Variants in CNGB3 observed in about 807,000 individuals in gnomAD.
CNGB3 encodes cyclic nucleotide gated channel subunit beta 3.
In CNGB3, 86 loss-of-function variants were observed where a neutral mutation model predicts 92.8. The ratio of observed to expected loss-of-function variants is 0.93; its 90% CI spans 0.78 to 1.11. The LOEUF is 1.11. Ranked by LOEUF, CNGB3 falls within the 50% of genes least tolerant of loss-of-function variation. The pLI is 0.00. For synonymous variants in CNGB3, 333 were observed against 332.7 expected, an observed-to-expected ratio of 1.00 and a Z score of -0.01; for missense variants, 1,026 against 956.8, an observed-to-expected ratio of 1.07 and a Z score of -0.95.
chr8:86,735,046 T>G lies in CNGB3; in HGVS notation c.211+4609A>C, dbSNP rs933058189. ...TCAAATTCTCAAATGCCGGTGGTTT[T>G]TTTTTTTTTTTTTTTTTTTTTTTTG... On this transcript the variant is annotated intron_variant, in intron 2 of 17. Coordinates refer to ENST00000320005, the MANE Select transcript of CNGB3 (RefSeq NM_019098.5). Among the ~76,000 whole-genome samples the G allele has an allele frequency of 7.0e-3, 547 of 77,670 alleles. 11 individuals are homozygous for G. The highest frequency in any genetic ancestry group is 0.023 in the African/African-American group (502 of 22,118). The allele number at this position is 77,670 out of a possible 152,430, so 51.0% of individuals were successfully genotyped here. A position where few individuals can be genotyped will look rare whatever the true frequency, so the allele number is the denominator to read the frequency against.
chr8:86,611,461 A>T (rs1822518363), intron 14 of CNGB3, 127 bp downstream of exon 14: 2 of 734,996 alleles, frequency 2.7e-6, no homozygotes, highest in Non-Finnish European at 2.5e-6. Flanking sequence ...AGAGCTATAT[A>T]TCATAATTAT....
intron 3 of CNGB3, among the ~76,000 whole-genome samples, chr8:86,702,823 ATATT>A (rs781340312): frequency 6.6e-6 from 1 of 151,854 alleles, no homozygotes; most frequent in African/African-American, 2.4e-5. Context: ...TTTAATATAT[ATATT>A]AAGTATTTTC....
In CNGB3 at chr8:86,574,849, C is replaced by T. The variant is rs1437295874; in HGVS notation, c.*955G>A. On this transcript the variant is annotated 3_prime_UTR_variant, in exon 18 of 18. Transcript: ENST00000320005. ...ATTAACTTGGAGATTTTGTAAACAG[C>T]TATACATGTAGGTTCCGGAAATTGT... 3 of 152,176 alleles carry T rather than the reference C, an allele frequency of 2.0e-5. No individual in the cohort carries two copies. Among genetic ancestry groups the T allele is most frequent in the Non-Finnish European group, 2.9e-5 (2 of 68,032 alleles). 9.4% of individuals were successfully genotyped at this position (152,176 alleles called of 1,614,324 possible).
chr8:86,604,256 G>A (rs1822372080), intron 14 of CNGB3, 45 bp from the exon 15 acceptor site: 1 of 1,179,390 alleles, frequency 8.5e-7, no homozygotes, highest in African/African-American at 1.5e-5. Flanking sequence ...CTTTATTCTT[G>A]ATAATTATGC....
In CNGB3 at chr8:86,578,756, A is replaced by G. The variant is rs756335664; in HGVS notation, c.2036T>C (p.Leu679Pro). 1 of 1,614,000 alleles carries G rather than the reference A, an allele frequency of 6.2e-7. No individual in the cohort carries two copies. Among genetic ancestry groups the G allele is most frequent in the Non-Finnish European group, 8.5e-7 (1 of 1,179,972 alleles). Residue 679 changes from leucine to proline, a missense_variant, in exon 17 of 18, where the codon CTC becomes CCC. By Grantham distance (98) the Leu-to-Pro change is moderately conservative. Transcript: ENST00000320005. Reference sequence around the variant, plus strand: ...ACTTGCTTTTCCTGTGCCTCCTAGGAGAGTTTTAAACAGTTTGGGTGTCTC... The same window carrying G: ...ACTTGCTTTTCCTGTGCCTCCTAGGGGAGTTTTAAACAGTTTGGGTGTCTC... ...KEETPKLFKT[L>P]LGGTGKASLA...
chr8:86,738,000 G>A (rs1176613572), intron 2 of CNGB3, among the ~76,000 whole-genome samples: 1 of 152,138 alleles, frequency 6.6e-6, no homozygotes, highest in African/African-American at 2.4e-5. Flanking sequence ...CCTTGAAGAT[G>A]AGACATTTGG....
chr8:86,653,700 T>G (rs1372174), intron 7 of CNGB3, among the ~76,000 whole-genome samples: 152,283 of 152,284 alleles, frequency 1, 76,141 homozygotes, highest in Middle Eastern at 1. Flanking sequence ...CATGCTACAT[T>G]AATTGGGGGC....
chr8:86,658,588 A>G, intron 6 of CNGB3: 2 of 346,120 alleles, frequency 5.8e-6, no homozygotes, highest in Non-Finnish European at 1.1e-5. Flanking sequence ...GTGGCCACAT[A>G]CTGCTGCAGG....
intron 14 of CNGB3, among the ~76,000 whole-genome samples, chr8:86,609,018 C>A (rs7015151): frequency 2.0e-5 from 3 of 152,038 alleles, no homozygotes; most frequent in Admixed American, 6.5e-5. Flanking sequence ...GCCCACCGAC[C>A]CTGTGGGGCT....
intron 6 of CNGB3, among the ~76,000 whole-genome samples, chr8:86,655,371 T>C (rs1224173829): frequency 6.6e-6 from 1 of 152,220 alleles, no homozygotes; most frequent in African/African-American, 2.4e-5. Flanking sequence ...TACAAAGCTC[T>C]ACTTTCTGTT....
chr8:86,706,220 G>A (rs1824649132), intron 3 of CNGB3, among the ~76,000 whole-genome samples: 2 of 152,128 alleles, frequency 1.3e-5, no homozygotes, highest in Non-Finnish European at 1.5e-5. Flanking sequence ...ATTGATGATT[G>A]AGTAAAGATT....
chr8:86,715,175 A>G (rs1034125122), intron 3 of CNGB3, among the ~76,000 whole-genome samples: 2 of 152,020 alleles, frequency 1.3e-5, no homozygotes, highest in African/African-American at 4.8e-5. Flanking sequence ...TCCTCCCTAT[A>G]CCCTATAGTA....
Position 86,604,153 on chromosome 8 carries a change from CCTCCAAGAACTTGGA to C in CNGB3, c.1706_1720del (p.Val569_Gly573del). On this transcript the variant is annotated inframe_deletion, in exon 15 of 18. Transcript: ENST00000320005. ...AACCAGAACTTTAGTACCATCAGGG[CCTCCAAGAACTTGGA>C]CTTCTCCATGCTTGATGATATACAT... is the stretch of plus-strand genomic sequence containing the variant. 1 of 1,613,720 alleles carries C rather than the reference CCTCCAAGAACTTGGA, an allele frequency of 6.2e-7. No homozygotes were observed. Among genetic ancestry groups the C allele is most frequent in the East Asian group, 2.2e-5 (1 of 44,864 alleles).
rs920058168 is a variant in CNGB3, at chr8:86,643,008, G to C, written c.1178+743C>G. Reference sequence around the variant, plus strand: ...ACAATCGGCATCGGAGTTATTAAAAGTTACCTTACTGCTCAGTTGTCTAGA... The same window carrying C: ...ACAATCGGCATCGGAGTTATTAAAACTTACCTTACTGCTCAGTTGTCTAGA... On this transcript the variant is annotated intron_variant, in intron 10 of 17. Coordinates refer to ENST00000320005, the MANE Select transcript of CNGB3 (RefSeq NM_019098.5). 4.6e-5 allele frequency among the ~76,000 whole-genome samples: 7 copies of C among 151,248 alleles called. No homozygotes were observed. In the Admixed American group the frequency reaches 4.6e-4, roughly 10 times the overall value.
intron 1 of CNGB3, among the ~76,000 whole-genome samples, chr8:86,740,309 T>C (rs756274953): frequency 3.9e-5 from 6 of 152,070 alleles, no homozygotes; most frequent in Non-Finnish European, 8.8e-5. Context: ...CACACAAAAA[T>C]GTTAAGTGCA....
chr8:86,722,218 C>T (rs933465789), intron 3 of CNGB3, among the ~76,000 whole-genome samples: 3 of 152,146 alleles, frequency 2.0e-5, no homozygotes, highest in African/African-American at 4.8e-5. Context: ...AGCTATTTGA[C>T]ATTTCCAGGC....
intron 3 of CNGB3, among the ~76,000 whole-genome samples, chr8:86,703,565 G>A (rs111595228): frequency 5.9e-5 from 9 of 152,266 alleles, no homozygotes; most frequent in Non-Finnish European, 1.2e-4. Context: ...GCATGTTTAT[G>A]GGTGTTAAAC....
rs3735971 is a variant in CNGB3 at position 86,575,986 on chromosome 8, G to A, written c.2248C>T (p.Pro750Ser). The change falls in exon 18 of 18, where the codon CCA becomes TCA. Residue 750 changes from proline (P) to serine (S), a missense_variant. By Grantham distance (74) the Pro-to-Ser change is moderately conservative. Transcript: ENST00000320005. The stretch of plus-strand genomic sequence containing the variant: ...GCTGTACATTCAGGTCTGTCCAGTG[G>A]CTTCTCTTCTGGCTCTCTTCCTTTA... ...KDKGREPEEK[P>S]LDRPECTASP... is the part of the protein sequence containing the mutation. 9.8e-5 allele frequency: 158 copies of A among 1,613,892 alleles called. No individual in the cohort carries two copies. In the East Asian group the frequency reaches 3.4e-3, roughly 34 times the overall value.
At chr8:86,731,012 G>A (rs762491504) in intron 2 of CNGB3, among the ~76,000 whole-genome samples, 2 of 152,218 alleles carry the variant, frequency 1.3e-5, no homozygotes, top group Admixed American at 1.3e-4. Flanking sequence ...GAAATGGTGT[G>A]AGGAATTTAG....
Sources: gnomAD v4.1 joint callset for allele counts (sites outside exome capture counted in the v4.1 genomes callset) on GRCh38, gnomAD v4.1.1 for gene constraint, MANE v1.5 for transcripts, NCBI Gene and HGNC (gene_info 2026-07-23, HGNC 2026-07-21) for gene names.